Variants in PALM2AKAP2 observed in about 807,000 individuals in gnomAD.
PALM2AKAP2 encodes PALM2-AKAP2 fusion protein.
Under a neutral mutation model 71.5 loss-of-function variants are expected in PALM2AKAP2, and 37 were observed. The ratio of observed to expected loss-of-function variants is 0.52; its 90% CI spans 0.40 to 0.68. The LOEUF is 0.68. Among genes scored for constraint, PALM2AKAP2 ranks in the 30% least tolerant of loss-of-function variants. The probability of loss-of-function intolerance (pLI) is 0.00; values close to 1 mark genes in which losing one functional copy is unlikely to be tolerated. For synonymous variants in PALM2AKAP2, 468 were observed against 478.8 expected, an observed-to-expected ratio of 0.98 and a Z score of 0.29; for missense variants, 1,224 against 1,191.8, an observed-to-expected ratio of 1.03 and a Z score of -0.40.
At chr9:109,827,298 G>A (rs544529703) in intron 1 of PALM2AKAP2, among the ~76,000 whole-genome samples, 4 of 152,264 alleles carry the variant, frequency 2.6e-5, no homozygotes, top group African/African-American at 7.2e-5. Context: ...CTGGGTATCA[G>A]AATTGTCTGT....
chr9:109,714,200 G>C (rs1342093168), intron 1 of PALM2AKAP2, among the ~76,000 whole-genome samples: 1 of 152,116 alleles, frequency 6.6e-6, no homozygotes, highest in Non-Finnish European at 1.5e-5. Context: ...ACTTCCAATT[G>C]TTAACCTCTG....
At chr9:110,030,832 T>C (rs1250016386) in intron 7 of PALM2AKAP2, among the ~76,000 whole-genome samples, 4 of 152,200 alleles carry the variant, frequency 2.6e-5, no homozygotes, top group Non-Finnish European at 4.4e-5. Context: ...AGATGCTTGA[T>C]TCATTGCCTA....
exon 4 of PALM2AKAP2, chr9:110,168,658 G>A (rs924598337): frequency 3.2e-5 from 28 of 874,952 alleles, no homozygotes; most frequent in East Asian, 5.9e-5. Context: ...AAAATGAAAC[G>A]AAAAGGAAGT....
intron 3 of PALM2AKAP2, among the ~76,000 whole-genome samples, chr9:110,157,947 C>T (rs956972081): frequency 3.3e-5 from 5 of 152,216 alleles, no homozygotes; most frequent in African/African-American, 4.8e-5. Flanking sequence ...TTGGCATCTC[C>T]CAGGCTTTCC....
chr9:110,150,766 A>C (rs1330650509), intron 2 of PALM2AKAP2, among the ~76,000 whole-genome samples: 2 of 152,212 alleles, frequency 1.3e-5, no homozygotes, highest in Admixed American at 1.3e-4. Context: ...CACACAGTTA[A>C]GAAGTGGTGA....
At chr9:110,123,703 G>A (rs1588122145) in intron 1 of PALM2AKAP2, among the ~76,000 whole-genome samples, 1 of 152,222 alleles carries the variant, frequency 6.6e-6, no homozygotes, top group Non-Finnish European at 1.5e-5. Flanking sequence ...AGCACATACA[G>A]TTGTCTCTTG....
intron 1 of PALM2AKAP2, among the ~76,000 whole-genome samples, chr9:109,712,916 T>C (rs1016854286): frequency 3.9e-5 from 6 of 152,256 alleles, no homozygotes; most frequent in African/African-American, 1.4e-4. Context: ...AATATGCTTA[T>C]GCAACATTTG....
chr9:109,845,109 T>G (rs1828819540), intron 1 of PALM2AKAP2, among the ~76,000 whole-genome samples: 1 of 152,252 alleles, frequency 6.6e-6, no homozygotes, highest in Admixed American at 6.5e-5. Flanking sequence ...TGCCTCTGCT[T>G]ACTAAGTGCA....
At chr9:109,798,796 C>A (rs1178121965) in intron 1 of PALM2AKAP2, among the ~76,000 whole-genome samples, 1 of 152,214 alleles carries the variant, frequency 6.6e-6, no homozygotes, top group African/African-American at 2.4e-5. Context: ...TTGTTTGTGC[C>A]TGAAGGAGCA....
At chr9:110,106,036 T>C (rs1402677037) in intron 1 of PALM2AKAP2, among the ~76,000 whole-genome samples, 1 of 152,256 alleles carries the variant, frequency 6.6e-6, no homozygotes, top group Non-Finnish European at 1.5e-5. Flanking sequence ...CTACTCTGAC[T>C]TTGCATAATA....
intron 1 of PALM2AKAP2, among the ~76,000 whole-genome samples, chr9:110,076,616 A>G (rs1834331091): frequency 6.6e-6 from 1 of 151,536 alleles, no homozygotes; most frequent in African/African-American, 2.4e-5. Context: ...ACAGGAGTAT[A>G]AAATAAAAAC....
At chr9:109,980,314 C>T (rs546510059) in intron 6 of PALM2AKAP2, among the ~76,000 whole-genome samples, 2 of 152,318 alleles carry the variant, frequency 1.3e-5, no homozygotes, top group East Asian at 3.9e-4. Context: ...ACCTTGCCTG[C>T]CATCGAGGCT....
At chr9:109,676,423 T>C (rs890624905) in intron 1 of PALM2AKAP2, among the ~76,000 whole-genome samples, 1 of 152,076 alleles carries the variant, frequency 6.6e-6, no homozygotes, top group Admixed American at 6.6e-5. Context: ...GAAGAGCAAA[T>C]TTGGATGAAA....
Position 109,815,834 on chromosome 9 carries a change from GGA to G in PALM2AKAP2, c.45+35302_45+35303del, listed in dbSNP as rs533221344. On this transcript the variant is annotated intron_variant, in intron 1 of 9. Transcript: ENST00000302798. Reference sequence around the variant, plus strand: ...GCTAGAGAGGGCATAGGATTTGCATGGATTGTTTTAAGAAGAGGAAGTCTAAA... The same window carrying G: ...GCTAGAGAGGGCATAGGATTTGCATGTTGTTTTAAGAAGAGGAAGTCTAAA... 1.7e-3 allele frequency among the ~76,000 whole-genome samples: 261 copies of G among 152,246 alleles called. 1 individual carries two copies. The highest frequency in any genetic ancestry group is 6.1e-3 in the African/African-American group (253 of 41,518).
chr9:109,751,798 C>T (rs1215581897), intron 1 of PALM2AKAP2, among the ~76,000 whole-genome samples: 2 of 151,616 alleles, frequency 1.3e-5, no homozygotes, highest in Non-Finnish European at 2.9e-5. Context: ...AATCCATCAC[C>T]GAGTAAAGAG....
At chr9:110,037,235 T>C (rs1444507708) in intron 7 of PALM2AKAP2, among the ~76,000 whole-genome samples, 1 of 152,174 alleles carries the variant, frequency 6.6e-6, no homozygotes, top group Admixed American at 6.5e-5. Flanking sequence ...AGTTTCACTC[T>C]TGTTGCCCAG....
intron 3 of PALM2AKAP2, among the ~76,000 whole-genome samples, chr9:109,889,496 G>C (rs1830038873): frequency 6.6e-6 from 1 of 152,174 alleles, no homozygotes; most frequent in Non-Finnish European, 1.5e-5. Flanking sequence ...TGAAAGTTTT[G>C]TTCCCTGCAG....
At chr9:109,928,927 A>T (rs895055167) in intron 5 of PALM2AKAP2, among the ~76,000 whole-genome samples, 5 of 152,078 alleles carry the variant, frequency 3.3e-5, no homozygotes, top group Admixed American at 3.3e-4. Context: ...TCAGCCTCCC[A>T]AAGTGTTGGG....
chr9:109,883,233 G>C lies in PALM2AKAP2; in HGVS notation c.257+2552G>C, dbSNP rs965826662. On this transcript the variant is annotated intron_variant, in intron 3 of 9. Transcript: ENST00000302798. ...TGTTAAAGTTCTTTTTATCCTTTAC[G>C]TCCTTTACGTCAATGGAATAAAGAG... 2.6e-5 allele frequency among the ~76,000 whole-genome samples: 4 copies of C among 152,180 alleles called. No individual in the cohort carries two copies. In the South Asian group the frequency reaches 8.3e-4, roughly 32 times the overall value.
Sources: gnomAD v4.1 joint callset for allele counts (sites outside exome capture counted in the v4.1 genomes callset) on GRCh38, gnomAD v4.1.1 for gene constraint, MANE v1.5 for transcripts, NCBI Gene and HGNC (gene_info 2026-07-23, HGNC 2026-07-21) for gene names.